The following PPIH variants were observed in gnomAD, a reference collection of about 807,000 sequenced individuals.
PPIH encodes peptidylprolyl isomerase H, also known as peptidyl-prolyl cis-trans isomerase H.
In PPIH, 16 loss-of-function variants were observed where a neutral mutation model predicts 27.6. That is an observed-to-expected ratio of 0.58 (90% confidence interval 0.39 to 0.88). PPIH has a LOEUF of 0.88. PPIH is among the 40% of genes least tolerant of loss of function. The pLI, the probability that PPIH is intolerant of heterozygous loss-of-function variation, is 0.00. For synonymous variants in PPIH, 63 were observed against 76.1 expected (o/e 0.83, Z 0.90); for missense variants, 155 against 224.1 (o/e 0.69, Z 1.97).
chr1:42,667,480 T>G lies in PPIH; in HGVS notation c.*21+40T>G. ...CTCCTATTAGGTTAGGAATCAGACC[T>G]CAGAGAAGGCAGCATGGTCTAGTGG... On this transcript the variant is annotated intron_variant, in intron 9 of 9. Coordinates refer to ENST00000304979, the MANE Select transcript of PPIH (RefSeq NM_006347.4). 3 of 1,491,110 alleles carry G rather than the reference T, an allele frequency of 2.0e-6. No individual in the cohort carries two copies. In the South Asian group the frequency reaches 3.5e-5, roughly 17 times the overall value. 92.4% of individuals were successfully genotyped at this position (1,491,110 alleles called of 1,614,324 possible). A position where few individuals can be genotyped will look rare whatever the true frequency, so the allele number is the denominator to read the frequency against.
intron 9 of PPIH, among the ~76,000 whole-genome samples, chr1:42,673,525 A>G (rs77489292): frequency 0.021 from 3,149 of 152,252 alleles, 54 homozygotes; most frequent in Admixed American, 0.033. Flanking sequence ...TCCTTAATTC[A>G]TTGTTGCCTA....
chr1:42,667,490 C>T, intron 9 of PPIH, 50 bp downstream of exon 9: 1 of 1,450,760 alleles, frequency 6.9e-7, no homozygotes. Context: ...TCAGAGAAGG[C>T]AGCATGGTCT....
In PPIH at chr1:42,658,652, G is replaced by A. The variant is rs1648799710; in HGVS notation, c.66+140G>A. On this transcript the variant is annotated intron_variant, in intron 1 of 9. Transcript: ENST00000304979. ...ACCCGAACCTACCGACCTGCCGGGC[G>A]GGGGGAAAGGAGGAGGAGGAGTCTC... 13 of 1,150,906 alleles carry A rather than the reference G, an allele frequency of 1.1e-5. No individual in the cohort carries two copies. In the South Asian group the frequency reaches 1.8e-4, roughly 16 times the overall value. 71.3% of individuals were successfully genotyped at this position (1,150,906 alleles called of 1,614,324 possible).
intron 9 of PPIH, among the ~76,000 whole-genome samples, chr1:42,671,394 C>T (rs553996131): frequency 2.6e-5 from 4 of 152,256 alleles, no homozygotes; most frequent in African/African-American, 9.6e-5. Context: ...TGCCATTGCA[C>T]TCTAGCCTGG....
intron 2 of PPIH, among the ~76,000 whole-genome samples, 160 bp downstream of exon 2, chr1:42,659,068 G>A (rs367914711): frequency 5.9e-5 from 9 of 152,318 alleles, no homozygotes; most frequent in African/African-American, 1.9e-4. Flanking sequence ...GATTGTTCCC[G>A]TGTTAATTTA....
At chr1:42,658,997 G>C in intron 2 of PPIH, 89 bp downstream of exon 2, 1 of 1,441,356 alleles carries the variant, frequency 6.9e-7, no homozygotes, top group Non-Finnish European at 9.7e-7. Context: ...ACCTCTGTCC[G>C]TCCGCTCACT....
chr1:42,668,513 C>T (rs532083270), intron 9 of PPIH, among the ~76,000 whole-genome samples: 141 of 152,236 alleles, frequency 9.3e-4, no homozygotes, highest in African/African-American at 3.0e-3. Flanking sequence ...GAACATCCTA[C>T]GTAACCACAA....
chr1:42,658,671 G>T (rs1405675459), intron 1 of PPIH, 159 bp downstream of exon 1: 21 of 1,098,780 alleles, frequency 1.9e-5, no homozygotes, highest in Non-Finnish European at 2.5e-5. Flanking sequence ...GGAGGAGGAG[G>T]AGTCTCCCCA....
downstream of PPIH, among the ~76,000 whole-genome samples, chr1:42,679,552 GATGAGTAAGTA>G (rs1381824441): frequency 2.6e-5 from 4 of 152,216 alleles, no homozygotes; most frequent in Admixed American, 1.3e-4. Flanking sequence ...GAAGTAACTG[GATGAGTAAGTA>G]ATGATACTTT....
chr1:42,672,795 C>T (rs1193534962), intron 9 of PPIH, among the ~76,000 whole-genome samples: 1 of 152,006 alleles, frequency 6.6e-6, no homozygotes, highest in African/African-American at 2.4e-5. Context: ...CACAGGCATG[C>T]TCCACCACGT....
At chr1:42,665,018 C>A in intron 6 of PPIH, 63 bp downstream of exon 6, 1 of 1,362,206 alleles carries the variant, frequency 7.3e-7, no homozygotes, top group Non-Finnish European at 1.0e-6. Flanking sequence ...CCTCTTGAGG[C>A]CCAGTGCTGT....
At chr1:42,673,512 C>T (rs1030587743) in intron 9 of PPIH, among the ~76,000 whole-genome samples, 7 of 152,164 alleles carry the variant, frequency 4.6e-5, no homozygotes, top group Non-Finnish European at 8.8e-5. Flanking sequence ...TGGTAGAGAG[C>T]TTTCCTTAAT....
downstream of PPIH, chr1:42,681,346 C>G (rs538610457): frequency 6.6e-6 from 1 of 152,350 alleles, no homozygotes; most frequent in African/African-American, 2.4e-5. Context: ...TCCACCTTCT[C>G]CCTGCTTCCA....
downstream of PPIH, among the ~76,000 whole-genome samples, chr1:42,677,783 C>G (rs1427887307): frequency 2.0e-5 from 3 of 152,164 alleles, no homozygotes; most frequent in African/African-American, 7.2e-5. Context: ...TATGATCGTG[C>G]CACTACACTC....
chr1:42,676,119 T>C (rs1189690558), intron 9 of PPIH, among the ~76,000 whole-genome samples: 3 of 152,248 alleles, frequency 2.0e-5, no homozygotes, highest in Non-Finnish European at 2.9e-5. Context: ...GTCTGACCTA[T>C]GGTGAGAATC....
intron 5 of PPIH, 75 bp from the exon 6 acceptor site, chr1:42,664,788 T>C: frequency 1.8e-6 from 2 of 1,133,864 alleles, no homozygotes; most frequent in South Asian, 1.4e-5. Context: ...ATGCTTTAGG[T>C]GCGACAGTGT....
intron 7 of PPIH, 128 bp from the exon 8 acceptor site, chr1:42,666,419 C>T: frequency 1.1e-6 from 1 of 919,140 alleles, no homozygotes; most frequent in East Asian, 2.5e-5. Context: ...AGTCATTTCA[C>T]CTCTACCGCA....
chr1:42,659,299 T>C, intron 3 of PPIH, 48 bp downstream of exon 3: 2 of 1,614,214 alleles, frequency 1.2e-6, no homozygotes, highest in Middle Eastern at 1.6e-4. Context: ...AGAGGGGTGT[T>C]CTGGGGCTGC....
downstream of PPIH, among the ~76,000 whole-genome samples, chr1:42,679,670 T>C (rs1258386753): frequency 6.6e-6 from 1 of 152,262 alleles, no homozygotes; most frequent in Admixed American, 6.5e-5. Context: ...TGTTCACTTA[T>C]TCGTAGAGGT....
Sources: gnomAD v4.1 joint callset for allele counts (sites outside exome capture counted in the v4.1 genomes callset) on GRCh38, gnomAD v4.1.1 for gene constraint, MANE v1.5 for transcripts, NCBI Gene and HGNC (gene_info 2026-07-23, HGNC 2026-07-21) for gene names.